Variants in CAMK1D observed in about 807,000 individuals in gnomAD.
CAMK1D encodes calcium/calmodulin dependent protein kinase ID, also known as calcium/calmodulin-dependent protein kinase type 1D.
CAMK1D carries 9 observed loss-of-function variants against 47.7 expected under a neutral mutation model. The ratio of observed to expected loss-of-function variants is 0.19; its 90% CI spans 0.11 to 0.33. CAMK1D has a LOEUF of 0.33. Ranked by LOEUF, CAMK1D falls within the 10% of genes least tolerant of loss-of-function variation. The pLI is 1.00. For synonymous variants in CAMK1D, 184 were observed against 184.9 expected, an observed-to-expected ratio of 0.99 and a Z score of 0.04; for missense variants, 291 against 488.7, an observed-to-expected ratio of 0.60 and a Z score of 3.81.
intron 2 of CAMK1D, among the ~76,000 whole-genome samples, chr10:12,591,523 A>G (rs994882776): frequency 3.9e-5 from 6 of 152,178 alleles, no homozygotes; most frequent in Admixed American, 3.9e-4. Context: ...ACAGTGGCTG[A>G]CTTCTTATTA....
intron 1 of CAMK1D, among the ~76,000 whole-genome samples, chr10:12,358,289 G>C (rs1837571864): frequency 6.6e-6 from 1 of 152,198 alleles, no homozygotes; most frequent in African/African-American, 2.4e-5. Flanking sequence ...TGTAATCATA[G>C]CACTTTGGGA....
intron 1 of CAMK1D, among the ~76,000 whole-genome samples, chr10:12,532,694 G>A (rs978042477): frequency 1.3e-5 from 2 of 152,284 alleles, no homozygotes; most frequent in South Asian, 2.1e-4. Context: ...AGTAACTTAA[G>A]TGTCTATCAG....
In CAMK1D at chr10:12,356,550, G is replaced by T. The variant is rs890440948; in HGVS notation, c.92+6640G>T. ...AGCCTGGCCAACGTGGTGAAACCTC[G>T]TCTCTACTAAAAATACAGAAAATTA... On this transcript the variant is annotated intron_variant, in intron 1 of 10. Transcript: ENST00000619168. Among the ~76,000 whole-genome samples the T allele has an allele frequency of 1.3e-4, 20 of 151,884 alleles. 1 individual carries two copies. The highest frequency in any genetic ancestry group is 4.4e-4 in the African/African-American group (18 of 41,368).
chr10:12,760,575 A>G (rs1836455649), intron 3 of CAMK1D: 1 of 176,358 alleles, frequency 5.7e-6, no homozygotes, highest in Non-Finnish European at 1.2e-5. Context: ...TCATTTAAGG[A>G]TACTGTCTCA....
chr10:12,555,104 A>G (rs1836719776), intron 2 of CAMK1D, among the ~76,000 whole-genome samples: 1 of 152,242 alleles, frequency 6.6e-6, no homozygotes, highest in Non-Finnish European at 1.5e-5. Context: ...GAATCAGCAC[A>G]TAGCAAGAAT....
At chr10:12,818,419 C>A (rs1373611871) in intron 8 of CAMK1D, among the ~76,000 whole-genome samples, 2 of 152,112 alleles carry the variant, frequency 1.3e-5, no homozygotes, top group Non-Finnish European at 2.9e-5. Flanking sequence ...GCCTGTAATC[C>A]CAGCACTTTG....
intron 3 of CAMK1D, among the ~76,000 whole-genome samples, chr10:12,705,819 G>C (rs1833710151): frequency 6.6e-6 from 1 of 152,236 alleles, no homozygotes; most frequent in Non-Finnish European, 1.5e-5. Flanking sequence ...CGTCGCTGGA[G>C]TGTCTAGGGA....
At chr10:12,362,829 A>G (rs1050703228) in intron 1 of CAMK1D, among the ~76,000 whole-genome samples, 3 of 150,352 alleles carry the variant, frequency 2.0e-5, no homozygotes, top group Non-Finnish European at 4.4e-5. Context: ...TATTTTTAGT[A>G]GAGACGGGGT....
At chr10:12,803,370 C>T (rs988244917) in intron 6 of CAMK1D, among the ~76,000 whole-genome samples, 1 of 152,130 alleles carries the variant, frequency 6.6e-6, no homozygotes, top group South Asian at 2.1e-4. Flanking sequence ...CACACAACAC[C>T]AGTGCCCTGT....
At chr10:12,489,685 G>C (rs758359432) in intron 1 of CAMK1D, among the ~76,000 whole-genome samples, 12 of 152,130 alleles carry the variant, frequency 7.9e-5, no homozygotes, top group Non-Finnish European at 1.5e-4. Flanking sequence ...TAAATGAATG[G>C]GATAACTTCC....
rs184530104 is a variant in CAMK1D at position 12,720,995 on chromosome 10, A to G, written c.300-39953A>G. On this transcript the variant is annotated intron_variant, in intron 3 of 10. Transcript: ENST00000619168. ...TCTTGACAAGGCTTTGTGTGAGATG[A>G]TATAAATAGGCCCTGACCTGCAGGG... 5.6e-3 allele frequency among the ~76,000 whole-genome samples: 853 copies of G among 152,354 alleles called. 5 individuals are homozygous for G. The highest frequency in any genetic ancestry group is 0.027 in the Middle Eastern group (8 of 294).
At chr10:12,750,992 A>G (rs1483823601) in intron 3 of CAMK1D, among the ~76,000 whole-genome samples, 1 of 152,186 alleles carries the variant, frequency 6.6e-6, no homozygotes, top group Non-Finnish European at 1.5e-5. Flanking sequence ...TGGAGGTTGC[A>G]GTGAGCTGAG....
chr10:12,705,003 C>T (rs1243970025), intron 3 of CAMK1D, among the ~76,000 whole-genome samples: 2 of 152,140 alleles, frequency 1.3e-5, no homozygotes, highest in East Asian at 1.9e-4. Flanking sequence ...TGTTCCTTCT[C>T]TGTAGTGATC....
intron 2 of CAMK1D, among the ~76,000 whole-genome samples, chr10:12,563,003 T>C (rs112239615): frequency 0.013 from 1,953 of 152,238 alleles, 48 homozygotes; most frequent in African/African-American, 0.045. Context: ...ACAGAAGCAA[T>C]AGGATATATG....
intron 4 of CAMK1D, among the ~76,000 whole-genome samples, chr10:12,767,540 CAA>C (rs1288017150): frequency 1.3e-5 from 2 of 152,116 alleles, no homozygotes; most frequent in Non-Finnish European, 2.9e-5. Flanking sequence ...GACACAGCCT[CAA>C]GAGATCCTGA....
At chr10:12,641,249 G>A (rs1839657552) in intron 2 of CAMK1D, among the ~76,000 whole-genome samples, 3 of 152,150 alleles carry the variant, frequency 2.0e-5, no homozygotes, top group Admixed American at 6.5e-5. Flanking sequence ...GATTACAAGC[G>A]TCAGCTACCG....
chr10:12,646,180 G>T (rs970299742), intron 2 of CAMK1D, among the ~76,000 whole-genome samples: 3 of 152,058 alleles, frequency 2.0e-5, no homozygotes, highest in African/African-American at 4.8e-5. Context: ...GATTTTAAAA[G>T]ATTTTTCCCT....
At chr10:12,523,571 C>G (rs80273463) in intron 1 of CAMK1D, among the ~76,000 whole-genome samples, 1 of 152,054 alleles carries the variant, frequency 6.6e-6, no homozygotes, top group Non-Finnish European at 1.5e-5. Context: ...AGCGAAACCC[C>G]GTCTCCACCA....
chr10:12,734,322 C>CA (rs1201573872), intron 3 of CAMK1D, among the ~76,000 whole-genome samples: 5 of 23,578 alleles, frequency 2.1e-4, no homozygotes, highest in African/African-American at 5.3e-4. Flanking sequence ...GACTCCATCT[C>CA]AAAAAAAAAA....
Sources: gnomAD v4.1 joint callset for allele counts (sites outside exome capture counted in the v4.1 genomes callset) on GRCh38, gnomAD v4.1.1 for gene constraint, MANE v1.5 for transcripts, NCBI Gene and HGNC (gene_info 2026-07-23, HGNC 2026-07-21) for gene names.